Variants in ATG16L1 observed in about 807,000 individuals in gnomAD.
ATG16L1 encodes autophagy-related protein 16-1.
A neutral mutation model predicts 88.5 loss-of-function variants in ATG16L1; 37 were observed. The ratio of observed to expected loss-of-function variants is 0.42; its 90% CI spans 0.32 to 0.55. The LOEUF (loss-of-function observed/expected upper bound fraction) is 0.55, where lower values mean the gene tolerates loss of function less well. Among genes scored for constraint, ATG16L1 ranks in the 20% least tolerant of loss-of-function variants. ATG16L1 has a pLI of 0.13. For synonymous variants in ATG16L1, 301 were observed against 281.0 expected, an observed-to-expected ratio of 1.07 and a Z score of -0.71; for missense variants, 554 against 752.8, an observed-to-expected ratio of 0.74 and a Z score of 3.09.
intron 17 of ATG16L1, 66 bp downstream of exon 17, chr2:233,293,423 GTCA>G: frequency 6.9e-7 from 1 of 1,446,086 alleles, no homozygotes; most frequent in Non-Finnish European, 9.7e-7. Context: ...CATCTCAGGG[GTCA>G]TCCGGTTTAG....
chr2:233,259,902 T>C (rs1574846265), intron 2 of ATG16L1, among the ~76,000 whole-genome samples: 2 of 152,268 alleles, frequency 1.3e-5, no homozygotes, highest in Admixed American at 1.3e-4. Context: ...CAGACTGTGG[T>C]GAGAGCCTCA....
chr2:233,267,772 T>G (rs1469568746), intron 5 of ATG16L1, among the ~76,000 whole-genome samples: 1 of 152,126 alleles, frequency 6.6e-6, no homozygotes, highest in Non-Finnish European at 1.5e-5. Context: ...GTTGGGGAGA[T>G]GTGTGGTGAT....
At chr2:233,281,530 C>T (rs1430891746) in intron 11 of ATG16L1, among the ~76,000 whole-genome samples, 2 of 152,036 alleles carry the variant, frequency 1.3e-5, no homozygotes, top group Non-Finnish European at 2.9e-5. Context: ...AACTGCAAAG[C>T]GTTGTGCTGA....
chr2:233,265,112 C>T lies in ATG16L1; in HGVS notation c.610C>T (p.Arg204Trp), dbSNP rs746840032. The T allele has an allele frequency of 1.4e-5, 22 of 1,614,010 alleles. No homozygotes were observed. Among genetic ancestry groups the T allele is most frequent in the Admixed American group, 3.3e-5 (2 of 60,010 alleles). Residue 204 changes from arginine to tryptophan, a missense_variant, in exon 5 of 18, where the codon CGG becomes TGG. Arg to Trp is a moderately radical substitution (Grantham distance 101, BLOSUM62 -3). This residue lies in a region of ATG16L1 where 370 missense variants were observed against 509.7 expected (regional missense o/e 0.73). Transcript: ENST00000392017. ...WMAEKAQEAN[R>W]LNAENEKDSR... ...GGCTGAGAAAGCCCAGGAAGCCAATCGGCTTAATGCAGAGAATGAAAAAGA... is the reference window on the plus strand; with the variant it reads ...GGCTGAGAAAGCCCAGGAAGCCAATTGGCTTAATGCAGAGAATGAAAAAGA...
At position 233,264,018 on chromosome 2, in the gene ATG16L1, T is replaced by C; in HGVS notation, c.342T>C (p.Asn114=). 6.2e-7 allele frequency: 1 copy of C among 1,614,054 alleles called. No homozygotes were observed. The highest frequency in any genetic ancestry group is 8.5e-7 in the Non-Finnish European group (1 of 1,179,918). Residue 114 remains asparagine, a synonymous_variant, in exon 4 of 18, where the codon AAT becomes AAC. Transcript: ENST00000392017. ...TAGCTCAACTGGTGATTGACCTGAATAACCAAATGCAGCGGAAGGACAGGG... is the reference window on the plus strand; with the variant it reads ...TAGCTCAACTGGTGATTGACCTGAACAACCAAATGCAGCGGAAGGACAGGG... ...GELAQLVIDL[N]NQMQRKDREM...
chr2:233,263,190 T>A lies in ATG16L1; in HGVS notation c.270T>A (p.Ile90=). Residue 90 remains isoleucine, a synonymous_variant, in exon 3 of 18, where the codon ATT becomes ATA. Coordinates refer to ENST00000392017, the MANE Select transcript of ATG16L1 (RefSeq NM_030803.7). The part of the protein sequence containing the change: ...NQLQEMAQLR[I]KHQEELTELH... ...TACAAGAAATGGCCCAACTGAGGAT[T>A]AAGCACCAAGAGGAACTGACTGAAT... The A allele has an allele frequency of 6.2e-7, 1 of 1,614,140 alleles. No homozygotes were observed. The highest frequency in any genetic ancestry group is 8.5e-7 in the Non-Finnish European group (1 of 1,180,020).
At chr2:233,270,396 A>G (rs1187744048) in intron 6 of ATG16L1, among the ~76,000 whole-genome samples, 1 of 152,142 alleles carries the variant, frequency 6.6e-6, no homozygotes, top group Non-Finnish European at 1.5e-5. Context: ...CTTTGACCCT[A>G]TTTCTGATTA....
At chr2:233,258,646 T>G (rs1231297451) in intron 2 of ATG16L1, among the ~76,000 whole-genome samples, 1 of 152,236 alleles carries the variant, frequency 6.6e-6, no homozygotes, top group Non-Finnish European at 1.5e-5. Flanking sequence ...CTTTATCTGT[T>G]AGCCAAACTC....
chr2:233,277,723 C>A, intron 10 of ATG16L1, 50 bp downstream of exon 10: 1 of 1,506,610 alleles, frequency 6.6e-7, no homozygotes, highest in East Asian at 2.3e-5. Context: ...ATGATGCACC[C>A]TTGCACTGCA....
chr2:233,286,556 C>T (rs948352028), intron 12 of ATG16L1, among the ~76,000 whole-genome samples: 1 of 150,208 alleles, frequency 6.7e-6, no homozygotes, highest in African/African-American at 2.5e-5. Flanking sequence ...AGCACCGAGA[C>T]AGTGAGTCAG....
chr2:233,293,620 T>G (rs1486427713), intron 17 of ATG16L1, among the ~76,000 whole-genome samples: 1 of 1,374 alleles, frequency 7.3e-4, no homozygotes, highest in African/African-American at 3.4e-3. Flanking sequence ...CCTGACTCTT[T>G]GGTTATGTCC....
intron 2 of ATG16L1, among the ~76,000 whole-genome samples, chr2:233,258,016 A>AATATCTAT (rs200300050): frequency 2.3e-4 from 12 of 51,972 alleles, no homozygotes; most frequent in Non-Finnish European, 4.4e-4. Context: ...AAAAAAAAAA[A>AATATCTAT]ATATCTATAT....
chr2:233,266,769 TAC>T (rs963285331), intron 5 of ATG16L1, among the ~76,000 whole-genome samples: 4 of 152,202 alleles, frequency 2.6e-5, no homozygotes, highest in African/African-American at 9.6e-5. Flanking sequence ...AAATGTGCTG[TAC>T]ACACACACAA....
At chr2:233,261,367 A>G (rs1235968816) in intron 2 of ATG16L1, among the ~76,000 whole-genome samples, 1 of 152,168 alleles carries the variant, frequency 6.6e-6, no homozygotes, top group Non-Finnish European at 1.5e-5. Flanking sequence ...AGGGCAACAT[A>G]GTGAGATACC....
intron 6 of ATG16L1, among the ~76,000 whole-genome samples, chr2:233,271,852 A>C (rs1559392392): frequency 6.6e-6 from 1 of 152,230 alleles, no homozygotes. Context: ...GGGAAAGCCA[A>C]TCAAGAAAAT....
chr2:233,268,688 C>CA (rs1234239122), intron 5 of ATG16L1, among the ~76,000 whole-genome samples: 10 of 152,164 alleles, frequency 6.6e-5, no homozygotes, highest in Admixed American at 6.5e-4. Context: ...AGTTAGTTCA[C>CA]AGTTGTCTCT....
chr2:233,260,400 T>C (rs1697123473), intron 2 of ATG16L1, among the ~76,000 whole-genome samples: 1 of 152,192 alleles, frequency 6.6e-6, no homozygotes, highest in Admixed American at 6.5e-5. Flanking sequence ...AGAAATGCTT[T>C]AGCTGATTGT....
At chr2:233,293,944 T>C (rs146702517) in intron 17 of ATG16L1, among the ~76,000 whole-genome samples, 125 of 152,310 alleles carry the variant, frequency 8.2e-4, no homozygotes, top group African/African-American at 2.7e-3. Flanking sequence ...GCCCGGCTCT[T>C]CAGAGGCATG....
chr2:233,253,707 C>T (rs1304947590), intron 1 of ATG16L1, among the ~76,000 whole-genome samples: 2 of 152,040 alleles, frequency 1.3e-5, no homozygotes, highest in Admixed American at 6.6e-5. Flanking sequence ...CTCACTGGCT[C>T]CCCCAGCAAA....
Sources: allele counts gnomAD v4.1 joint callset (sites outside exome capture counted in the v4.1 genomes callset), GRCh38; gene constraint gnomAD v4.1.1; regional missense constraint gnomAD v4.1.1; transcripts MANE v1.5; gene names NCBI Gene and HGNC (gene_info 2026-07-23, HGNC 2026-07-21).